KCNIP4: variants seen among roughly 807,000 people sequenced by gnomAD.
The protein encoded by KCNIP4 is Kv channel-interacting protein 4.
In KCNIP4, 12 loss-of-function variants were observed where a neutral mutation model predicts 34.0. The observed-to-expected ratio is 0.35, with a 90% confidence interval of 0.23 to 0.57. The LOEUF (loss-of-function observed/expected upper bound fraction) is 0.57. KCNIP4 is among the 20% of genes least tolerant of loss of function. KCNIP4 has a pLI of 0.83. For missense variants in KCNIP4, 238 were observed against 311.7 expected (o/e 0.76, Z 1.78); for synonymous variants, 124 against 102.2 (o/e 1.21, Z -1.29).
chr4:20,770,507 TAAAAG>T (rs1164695203), intron 3 of KCNIP4, among the ~76,000 whole-genome samples: 12 of 151,390 alleles, frequency 7.9e-5, no homozygotes, highest in African/African-American at 2.7e-4. Context: ...GAATTCTACT[TAAAAG>T]AAACACGCAG....
intron 1 of KCNIP4, among the ~76,000 whole-genome samples, chr4:21,860,791 G>A (rs992292645): frequency 1.5e-4 from 23 of 152,134 alleles, no homozygotes; most frequent in African/African-American, 4.1e-4. Flanking sequence ...AGATATACAC[G>A]TGACATAACT....
chr4:20,839,831 T>A (rs1719509444), intron 3 of KCNIP4, among the ~76,000 whole-genome samples: 1 of 152,006 alleles, frequency 6.6e-6, no homozygotes, highest in Non-Finnish European at 1.5e-5. Context: ...TGCCCAAGGG[T>A]AACCAGAACC....
intron 1 of KCNIP4, among the ~76,000 whole-genome samples, chr4:21,225,100 C>A (rs550314433): frequency 3.3e-5 from 5 of 152,108 alleles, no homozygotes; most frequent in Non-Finnish European, 5.9e-5. Flanking sequence ...GCATTAAATG[C>A]ATTTTTGACT....
intron 1 of KCNIP4, among the ~76,000 whole-genome samples, chr4:21,119,234 T>G (rs567924949): frequency 6.6e-6 from 1 of 151,968 alleles, no homozygotes; most frequent in East Asian, 2.0e-4. Flanking sequence ...AGATGAGAAT[T>G]TTGAGAAGTG....
At chr4:20,966,190 T>A (rs574069841) in intron 1 of KCNIP4, among the ~76,000 whole-genome samples, 1 of 152,338 alleles carries the variant, frequency 6.6e-6, no homozygotes, top group South Asian at 2.1e-4. Flanking sequence ...TTTGTCATTA[T>A]GCATTTTCCC....
rs76638669 is a variant in KCNIP4, at chr4:21,927,990, G to C, written c.61+20581C>G. 2.9e-4 allele frequency among the ~76,000 whole-genome samples: 44 copies of C among 152,094 alleles called. 2 individuals are homozygous for C. In the East Asian group the frequency reaches 8.5e-3, roughly 29 times the overall value. On this transcript the variant is annotated intron_variant, in intron 1 of 8. Coordinates refer to ENST00000382152, the MANE Select transcript of KCNIP4 (RefSeq NM_025221.6). ...AAAATAAATGTTAAGCCCTCTCCAA[G>C]CAGTCTGTCTACATAGGTTATAAGT...
intron 2 of KCNIP4, among the ~76,000 whole-genome samples, chr4:20,882,037 G>GTGTA (rs1257169968): frequency 6.6e-6 from 1 of 152,186 alleles, no homozygotes; most frequent in Non-Finnish European, 1.5e-5. Flanking sequence ...GTATATGCAT[G>GTGTA]TGTATGTATG....
At chr4:21,709,700 G>C (rs1457791985) in intron 1 of KCNIP4, among the ~76,000 whole-genome samples, 1 of 152,044 alleles carries the variant, frequency 6.6e-6, no homozygotes, top group East Asian at 1.9e-4. Flanking sequence ...GATGTGCTCA[G>C]TAAAAAAGAT....
intron 1 of KCNIP4, among the ~76,000 whole-genome samples, chr4:21,945,428 T>C (rs1454762562): frequency 3.3e-5 from 5 of 152,196 alleles, no homozygotes; most frequent in African/African-American, 9.6e-5. Context: ...AAGCTTTTCA[T>C]GGATTCAGAA....
intron 1 of KCNIP4, among the ~76,000 whole-genome samples, chr4:21,257,289 C>T (rs1203468584): frequency 6.6e-6 from 1 of 152,092 alleles, no homozygotes; most frequent in Admixed American, 6.5e-5. Context: ...GAGCTCAGGG[C>T]CTGATATTTT....
chr4:21,327,710 C>T (rs377496590), intron 1 of KCNIP4, among the ~76,000 whole-genome samples: 9 of 152,080 alleles, frequency 5.9e-5, no homozygotes, highest in African/African-American at 1.9e-4. Flanking sequence ...TTTTCCAGAT[C>T]ACGTAGGCAT....
intron 1 of KCNIP4, among the ~76,000 whole-genome samples, chr4:21,221,898 T>C (rs911216142): frequency 2.8e-4 from 43 of 152,316 alleles, no homozygotes; most frequent in African/African-American, 1.0e-3. Flanking sequence ...CATACAGTGA[T>C]CCTTTTTCCT....
intron 1 of KCNIP4, among the ~76,000 whole-genome samples, chr4:21,145,759 T>C (rs564601063): frequency 1.2e-4 from 18 of 152,240 alleles, no homozygotes; most frequent in Non-Finnish European, 2.5e-4. Flanking sequence ...GCACAGAAAA[T>C]GGTCTGGTAC....
At chr4:21,371,611 G>C (rs1392521083) in intron 1 of KCNIP4, among the ~76,000 whole-genome samples, 1 of 146,894 alleles carries the variant, frequency 6.8e-6, no homozygotes, top group Non-Finnish European at 1.5e-5. Context: ...AATATTACCT[G>C]TATGCCTGAC....
intron 1 of KCNIP4, among the ~76,000 whole-genome samples, chr4:21,356,749 A>T (rs1718649815): frequency 6.6e-6 from 1 of 152,174 alleles, no homozygotes; most frequent in Non-Finnish European, 1.5e-5. Context: ...GCCCAAGGTC[A>T]TTTATAGATT....
intron 3 of KCNIP4, among the ~76,000 whole-genome samples, chr4:20,844,906 A>C (rs183079820): frequency 1.7e-4 from 26 of 152,238 alleles, no homozygotes; most frequent in African/African-American, 6.3e-4. Flanking sequence ...ACAAAAAAAA[A>C]GTATGCTTCT....
chr4:21,051,824 A>G (rs1283554509), intron 1 of KCNIP4, among the ~76,000 whole-genome samples: 1 of 152,196 alleles, frequency 6.6e-6, no homozygotes, highest in African/African-American at 2.4e-5. Context: ...GAGGTTTGAA[A>G]AAGGTACACA....
At chr4:20,816,449 G>A (rs893843594) in intron 3 of KCNIP4, among the ~76,000 whole-genome samples, 22 of 152,160 alleles carry the variant, frequency 1.4e-4, no homozygotes, top group Non-Finnish European at 2.4e-4. Context: ...TACGTAGGGC[G>A]CAGACTGCGG....
intron 1 of KCNIP4, among the ~76,000 whole-genome samples, chr4:21,573,677 T>C (rs1229655454): frequency 2.6e-5 from 4 of 152,138 alleles, no homozygotes; most frequent in Non-Finnish European, 5.9e-5. Context: ...ACACAACTTT[T>C]TAAGGTCATT....
Sources: allele counts gnomAD v4.1 joint callset (sites outside exome capture counted in the v4.1 genomes callset), GRCh38; gene constraint gnomAD v4.1.1; transcripts MANE v1.5; gene names NCBI Gene and HGNC (gene_info 2026-07-23, HGNC 2026-07-21).